The following AGBL4 variants were observed in gnomAD, a reference collection of about 807,000 sequenced individuals.
AGBL4 encodes the protein AGBL carboxypeptidase 4, also known as cytosolic carboxypeptidase 6.
A neutral mutation model predicts 66.4 loss-of-function variants in AGBL4; 58 were observed. The observed-to-expected ratio is 0.87, with a 90% CI of 0.71 to 1.09. The LOEUF is 1.09. Ranked by LOEUF, AGBL4 falls within the 50% of genes least tolerant of loss-of-function variation. The probability of loss-of-function intolerance (pLI) is 0.00; values close to 1 mark genes in which losing one functional copy is unlikely to be tolerated. For missense variants in AGBL4, 579 were observed against 631.0 expected, an observed-to-expected ratio of 0.92 and a Z score of 0.88; for synonymous variants, 234 against 222.9, an observed-to-expected ratio of 1.05 and a Z score of -0.44.
rs1442998645 is a variant in AGBL4 at position 48,736,989 on chromosome 1, A to T, written c.635-73748T>A. On this transcript the variant is annotated intron_variant, in intron 6 of 13. Coordinates refer to ENST00000371839, the MANE Select transcript of AGBL4 (RefSeq NM_032785.4). This position sits in a 1 kb window ranked among gnomAD's most constrained non-coding sequence, Gnocchi z 4.0. ...CAGGGGTCACCTAGGGAGCTGTAAA[A>T]ATCACCAGTGACAGCCAGGCATGGT... Among the ~76,000 whole-genome samples, 2 of 152,172 alleles carry T rather than the reference A, an allele frequency of 1.3e-5. No individual in the cohort carries two copies. Among genetic ancestry groups the T allele is most frequent in the East Asian group, 3.9e-4 (2 of 5,188 alleles).
rs185186825 is a variant in AGBL4 at position 48,996,021 on chromosome 1, G to A, written c.594+49563C>T. Among the ~76,000 whole-genome samples the A allele has an allele frequency of 2.0e-4, 30 of 152,238 alleles. 2 individuals are homozygous for A. The East Asian group carries it at 5.8e-3, about 29-fold the overall frequency. ...TATGGCAGAGGATATGGAGGAAAGT[G>A]AGTGGGTTGGGGACATATATTAGAG... is the stretch of plus-strand genomic sequence containing the variant. On this transcript the variant is annotated intron_variant, in intron 5 of 13. Transcript: ENST00000371839.
chr1:49,731,461 A>C (rs1200236156), intron 2 of AGBL4, among the ~76,000 whole-genome samples: 1 of 152,228 alleles, frequency 6.6e-6, no homozygotes, highest in Non-Finnish European at 1.5e-5. Context: ...CAGCAGACGA[A>C]TAATAAATAC....
chr1:49,605,102 T>A (rs1645038594), intron 3 of AGBL4, among the ~76,000 whole-genome samples: 1 of 152,022 alleles, frequency 6.6e-6, no homozygotes, highest in South Asian at 2.1e-4. Context: ...GTCCAAAAGG[T>A]TAGGTAAATG....
intron 1 of AGBL4, among the ~76,000 whole-genome samples, chr1:49,918,150 C>T (rs1651772410): frequency 6.6e-6 from 1 of 152,128 alleles, no homozygotes. Context: ...CTAAAATTGA[C>T]ATCCTAACAT....
At chr1:48,992,053 C>T (rs552835794) in intron 5 of AGBL4, among the ~76,000 whole-genome samples, 8 of 152,224 alleles carry the variant, frequency 5.3e-5, no homozygotes, top group African/African-American at 1.9e-4. Context: ...GTGGATGTTC[C>T]TTGCTGTCTG....
intron 3 of AGBL4, among the ~76,000 whole-genome samples, chr1:49,626,745 T>A (rs1222329261): frequency 6.6e-6 from 1 of 151,976 alleles, no homozygotes; most frequent in Non-Finnish European, 1.5e-5. Flanking sequence ...TAAGTGGGAG[T>A]CTGTGCTGTT....
chr1:48,684,549 C>G (rs1435748198), intron 6 of AGBL4, among the ~76,000 whole-genome samples: 1 of 152,024 alleles, frequency 6.6e-6, no homozygotes, highest in African/African-American at 2.4e-5. Flanking sequence ...AGGGAAGAAC[C>G]CTGCTTATTT....
intron 3 of AGBL4, among the ~76,000 whole-genome samples, chr1:49,414,604 C>G: frequency 6.6e-6 from 1 of 152,174 alleles, no homozygotes; most frequent in Non-Finnish European, 1.5e-5. Context: ...GAGGTTAATG[C>G]TCTAGTCTCC....
At chr1:48,554,968 A>G (rs1356686989) in intron 11 of AGBL4, among the ~76,000 whole-genome samples, 1 of 152,166 alleles carries the variant, frequency 6.6e-6, no homozygotes, top group African/African-American at 2.4e-5. Context: ...TGTGTAAGGT[A>G]CTGTGCCAGA....
At chr1:49,813,321 G>C (rs1352663172) in intron 2 of AGBL4, among the ~76,000 whole-genome samples, 4 of 152,132 alleles carry the variant, frequency 2.6e-5, no homozygotes, top group African/African-American at 9.7e-5. Context: ...ACATCACTAA[G>C]ATGGAATTTA....
At chr1:49,317,603 A>C (rs963872726) in intron 3 of AGBL4, among the ~76,000 whole-genome samples, 3 of 151,890 alleles carry the variant, frequency 2.0e-5, no homozygotes, top group African/African-American at 7.2e-5. Flanking sequence ...CAATCACTAG[A>C]GCCTTTCTGG....
At chr1:49,927,649 T>C (rs1314079457) in intron 1 of AGBL4, among the ~76,000 whole-genome samples, 2 of 151,144 alleles carry the variant, frequency 1.3e-5, no homozygotes, top group Non-Finnish European at 2.9e-5. Flanking sequence ...CGTATCACAG[T>C]TTATATGAAA....
intron 3 of AGBL4, among the ~76,000 whole-genome samples, chr1:49,250,547 G>A (rs150641896): frequency 4.6e-5 from 7 of 150,780 alleles, no homozygotes; most frequent in African/African-American, 1.2e-4. Flanking sequence ...GGGTTCAAGC[G>A]ATTCTCCTGC....
chr1:49,345,984 A>C (rs1645626476), intron 3 of AGBL4, among the ~76,000 whole-genome samples: 1 of 152,152 alleles, frequency 6.6e-6, no homozygotes, highest in Non-Finnish European at 1.5e-5. Flanking sequence ...GCTGAGCTCA[A>C]AGCTTAAAAA....
At chr1:49,854,590 G>C (rs906587658) in intron 1 of AGBL4, among the ~76,000 whole-genome samples, 7 of 152,010 alleles carry the variant, frequency 4.6e-5, no homozygotes, top group Non-Finnish European at 8.8e-5. Context: ...TCCCCCATCA[G>C]ACTACCTCTT....
intron 3 of AGBL4, among the ~76,000 whole-genome samples, chr1:49,404,029 T>C (rs185589853): frequency 3.3e-5 from 5 of 152,280 alleles, no homozygotes; most frequent in African/African-American, 1.2e-4. Flanking sequence ...AAATCATTTC[T>C]TGCAGAAAGC....
intron 6 of AGBL4, among the ~76,000 whole-genome samples, chr1:48,684,388 C>T (rs1209169413): frequency 4.6e-5 from 7 of 152,192 alleles, no homozygotes. Context: ...CTGTCTTCAG[C>T]CCCCGCCAGA....
chr1:49,204,021 T>C (rs189569308), intron 4 of AGBL4, among the ~76,000 whole-genome samples: 14 of 152,252 alleles, frequency 9.2e-5, no homozygotes, highest in Admixed American at 4.6e-4. Context: ...TAAAGCATCA[T>C]GGGAGAAAAG....
intron 4 of AGBL4, among the ~76,000 whole-genome samples, chr1:49,051,638 T>C (rs1644213343): frequency 6.6e-6 from 1 of 152,148 alleles, no homozygotes; most frequent in African/African-American, 2.4e-5. Context: ...GCCCCCCTCC[T>C]TTTCCTCTTT....
Sources: allele counts gnomAD v4.1 joint callset (sites outside exome capture counted in the v4.1 genomes callset), GRCh38; gene constraint gnomAD v4.1.1; non-coding constraint Gnocchi (gnomAD v3.1); transcripts MANE v1.5; gene names NCBI Gene and HGNC (gene_info 2026-07-23, HGNC 2026-07-21).